Variants in ADRA1B observed in about 807,000 individuals in gnomAD.
ADRA1B encodes the protein alpha-1B adrenergic receptor.
Under a neutral mutation model 17.9 loss-of-function variants are expected in ADRA1B, and 17 were observed. That is an observed-to-expected ratio of 0.95 (90% CI 0.65 to 1.42). The LOEUF is 1.42. Among genes scored for constraint, ADRA1B ranks in the 40% most tolerant of loss-of-function variants. The pLI, the probability that ADRA1B is intolerant of heterozygous loss-of-function variation, is 0.00. For missense variants in ADRA1B, 681 were observed against 722.1 expected (o/e 0.94, Z 0.65); for synonymous variants, 366 against 327.6 (o/e 1.12, Z -1.27).
chr5:159,940,922 T>A (rs1182413551), intron 1 of ADRA1B, among the ~76,000 whole-genome samples: 1 of 152,214 alleles, frequency 6.6e-6, no homozygotes, highest in Non-Finnish European at 1.5e-5. Flanking sequence ...CTGCAAAAGT[T>A]GGGAGTTACC....
intron 1 of ADRA1B, among the ~76,000 whole-genome samples, chr5:159,961,297 T>C (rs1755659966): frequency 6.6e-6 from 1 of 152,210 alleles, no homozygotes; most frequent in Non-Finnish European, 1.5e-5. Context: ...ATAGAGAATG[T>C]TTGTAAATGT....
intron 1 of ADRA1B, among the ~76,000 whole-genome samples, chr5:159,956,497 T>C (rs1755553166): frequency 6.6e-6 from 1 of 152,210 alleles, no homozygotes; most frequent in African/African-American, 2.4e-5. Context: ...GTTATGGACA[T>C]CATCCCATTG....
chr5:159,966,949 G>A (rs1755786849), intron 1 of ADRA1B, among the ~76,000 whole-genome samples: 1 of 152,166 alleles, frequency 6.6e-6, no homozygotes, highest in Non-Finnish European at 1.5e-5. Flanking sequence ...GGAGAGAAGT[G>A]AAATAGCACC....
At chr5:159,888,083 A>G (rs566228681) in intron 1 of ADRA1B, 5 of 152,322 alleles carry the variant, frequency 3.3e-5, no homozygotes, top group South Asian at 4.1e-4. Flanking sequence ...AGACTTGCCC[A>G]AGGTTGCACA....
chr5:159,892,010 G>A (rs1001510760), intron 1 of ADRA1B, among the ~76,000 whole-genome samples: 22 of 152,196 alleles, frequency 1.4e-4, no homozygotes, highest in African/African-American at 3.9e-4. Flanking sequence ...AGGCCGAGGC[G>A]GGCAGATCAC....
At chr5:159,906,562 A>T (rs1019475367) in intron 1 of ADRA1B, among the ~76,000 whole-genome samples, 1 of 152,236 alleles carries the variant, frequency 6.6e-6, no homozygotes, top group Non-Finnish European at 1.5e-5. Context: ...AGGAATCTGC[A>T]TCTTAAGGCT....
Position 159,924,289 on chromosome 5 carries a change from G to A in ADRA1B, c.949+6435G>A, listed in dbSNP as rs189476622. Among the ~76,000 whole-genome samples, 3 of 152,268 alleles carry A rather than the reference G, an allele frequency of 2.0e-5. No homozygotes were observed. In the East Asian group the frequency reaches 5.8e-4, roughly 29 times the overall value. On this transcript the variant is annotated intron_variant, in intron 1 of 1. Transcript: ENST00000306675. ...GGCAATAGTGTGTGAATGTCTCTGT[G>A]CGTGTGTATGTGTGTGTTGATATCC...
the ADRA1B span, among the ~76,000 whole-genome samples, chr5:159,985,603 G>A: frequency 6.6e-6 from 1 of 152,226 alleles, no homozygotes; most frequent in Non-Finnish European, 1.5e-5. Flanking sequence ...ATGCTGATGG[G>A]AATATGTACA....
intron 1 of ADRA1B, among the ~76,000 whole-genome samples, chr5:159,963,632 A>G (rs981068655): frequency 1.3e-5 from 2 of 152,202 alleles, no homozygotes; most frequent in African/African-American, 4.8e-5. Flanking sequence ...ACAGTGGTTA[A>G]GCACTTAGCC....
chr5:159,909,971 A>T (rs540374338), intron 1 of ADRA1B, among the ~76,000 whole-genome samples: 1 of 152,304 alleles, frequency 6.6e-6, no homozygotes, highest in African/African-American at 2.4e-5. Flanking sequence ...AAGGTCTAGA[A>T]CCCAAAAAGT....
chr5:159,942,369 C>T (rs1755158916), intron 1 of ADRA1B, among the ~76,000 whole-genome samples: 1 of 152,176 alleles, frequency 6.6e-6, no homozygotes, highest in Non-Finnish European at 1.5e-5. Context: ...CTCAATATGA[C>T]TTTTTGTAAA....
At chr5:159,930,344 G>A (rs1456221067) in intron 1 of ADRA1B, among the ~76,000 whole-genome samples, 2 of 152,190 alleles carry the variant, frequency 1.3e-5, no homozygotes, top group Non-Finnish European at 2.9e-5. Flanking sequence ...AAACAAATAG[G>A]TTAGGCCGGG....
intron 1 of ADRA1B, among the ~76,000 whole-genome samples, chr5:159,891,335 A>T (rs183462890): frequency 5.3e-4 from 81 of 152,294 alleles, no homozygotes; most frequent in African/African-American, 1.8e-3. Flanking sequence ...TTAAGTACAA[A>T]CATGGCTTGA....
upstream of ADRA1B, among the ~76,000 whole-genome samples, chr5:159,915,171 C>T (rs1163830512): frequency 1.3e-5 from 2 of 152,146 alleles, no homozygotes; most frequent in Admixed American, 6.5e-5. Flanking sequence ...TACCTTGCCC[C>T]GGGGGAAAAG....
chr5:159,890,275 T>C (rs1172078457), intron 1 of ADRA1B, among the ~76,000 whole-genome samples: 2 of 152,152 alleles, frequency 1.3e-5, no homozygotes, highest in African/African-American at 4.8e-5. Context: ...TCCTTGCAAA[T>C]TCAGAACCCC....
chr5:159,935,966 T>C (rs80043756), intron 1 of ADRA1B, among the ~76,000 whole-genome samples: 4,861 of 152,366 alleles, frequency 0.032, 108 homozygotes, highest in Middle Eastern at 0.048. Context: ...CCTGTGTGGC[T>C]TTCAGCAAAT....
intron 1 of ADRA1B, among the ~76,000 whole-genome samples, chr5:159,925,984 G>T (rs550295387): frequency 1.3e-5 from 2 of 152,242 alleles, no homozygotes; most frequent in South Asian, 2.1e-4. Flanking sequence ...CAGCAACCTC[G>T]TGACTGCTCT....
At chr5:159,985,995 G>A in the ADRA1B span, among the ~76,000 whole-genome samples, 1 of 152,220 alleles carries the variant, frequency 6.6e-6, no homozygotes, top group East Asian at 1.9e-4. Flanking sequence ...AATGCAACTT[G>A]CTGAAAGCAG....
intron 1 of ADRA1B, chr5:159,951,207 G>T: frequency 1.3e-6 from 1 of 791,656 alleles, no homozygotes; most frequent in Non-Finnish European, 2.2e-6. Context: ...GACGCTGGTG[G>T]ACTTCACAAC....
Sources: allele counts gnomAD v4.1 joint callset (sites outside exome capture counted in the v4.1 genomes callset), GRCh38; gene constraint gnomAD v4.1.1; transcripts MANE v1.5; gene names NCBI Gene and HGNC (gene_info 2026-07-23, HGNC 2026-07-21).